SEMA3A: variants seen among roughly 807,000 people sequenced by gnomAD.
SEMA3A encodes semaphorin-3A.
A neutral mutation model predicts 97.9 loss-of-function variants in SEMA3A; 29 were observed. That is an observed-to-expected ratio of 0.30 (90% CI 0.22 to 0.40). The LOEUF is 0.40. SEMA3A is among the 10% of genes least tolerant of loss of function. The probability of loss-of-function intolerance (pLI) is 1.00; values close to 1 mark genes in which losing one functional copy is unlikely to be tolerated. For missense variants in SEMA3A, 763 were observed against 951.3 expected (o/e 0.80, Z 2.60); for synonymous variants, 321 against 323.7 (o/e 0.99, Z 0.09).
intron 4 of SEMA3A, among the ~76,000 whole-genome samples, chr7:84,071,728 T>C (rs1793747591): frequency 6.6e-6 from 1 of 152,166 alleles, no homozygotes; most frequent in Admixed American, 6.6e-5. Flanking sequence ...AAACTTGATA[T>C]TCGGTGATGC....
At chr7:84,183,799 A>G (rs1167046034) in intron 1 of SEMA3A, among the ~76,000 whole-genome samples, 1 of 152,158 alleles carries the variant, frequency 6.6e-6, no homozygotes, top group African/African-American at 2.4e-5. Context: ...TTCTATAAAG[A>G]ACACTAAATG....
intron 1 of SEMA3A, among the ~76,000 whole-genome samples, chr7:84,380,809 A>T (rs889395920): frequency 6.6e-6 from 1 of 152,162 alleles, no homozygotes; most frequent in African/African-American, 2.4e-5. Context: ...CATGCACAAA[A>T]ACCCTTAACT....
intron 1 of SEMA3A, among the ~76,000 whole-genome samples, chr7:84,392,145 A>G (rs545103488): frequency 9.9e-5 from 15 of 152,132 alleles, no homozygotes; most frequent in Non-Finnish European, 1.8e-4. Flanking sequence ...GAAATGTACA[A>G]TATTAAGTTA....
chr7:84,019,469 G>T (rs1791238627), intron 6 of SEMA3A, among the ~76,000 whole-genome samples: 1 of 151,986 alleles, frequency 6.6e-6, no homozygotes, highest in Admixed American at 6.6e-5. Flanking sequence ...GGGAGTTGCA[G>T]AAAGGAAGGA....
At chr7:84,284,810 A>T (rs1800538777) in intron 3 of SEMA3A, among the ~76,000 whole-genome samples, 1 of 151,996 alleles carries the variant, frequency 6.6e-6, no homozygotes, top group Non-Finnish European at 1.5e-5. Flanking sequence ...TGATTGATGG[A>T]CCTATTATAT....
chr7:83,971,594 A>G (rs1173218983), intron 15 of SEMA3A, among the ~76,000 whole-genome samples: 2 of 152,090 alleles, frequency 1.3e-5, no homozygotes, highest in Non-Finnish European at 2.9e-5. Flanking sequence ...ATTTTCACCA[A>G]TTAGATTCTA....
intron 5 of SEMA3A, among the ~76,000 whole-genome samples, chr7:84,057,454 T>C (rs1204860864): frequency 6.6e-6 from 1 of 151,888 alleles, no homozygotes; most frequent in Admixed American, 6.6e-5. Context: ...AATTTGCAGG[T>C]GGATGAAATA....
At chr7:84,014,058 T>C (rs549923601) in intron 7 of SEMA3A, 151 bp downstream of exon 7, 230 of 630,242 alleles carry the variant, frequency 3.6e-4, no homozygotes, top group Admixed American at 3.2e-3. Flanking sequence ...TAACCAACTA[T>C]AATATTCAAT....
chr7:84,409,490 T>C (rs919333291), intron 1 of SEMA3A, among the ~76,000 whole-genome samples: 1 of 152,106 alleles, frequency 6.6e-6, no homozygotes, highest in Non-Finnish European at 1.5e-5. Context: ...ATTTTACAAC[T>C]GCCCTAATGT....
intron 6 of SEMA3A, among the ~76,000 whole-genome samples, chr7:84,035,101 A>T (rs1351407284): frequency 6.6e-6 from 1 of 152,088 alleles, no homozygotes; most frequent in African/African-American, 2.4e-5. Context: ...AATTAGAATA[A>T]AATTATTAGA....
Position 84,293,401 on chromosome 7 carries a change from A to AT in SEMA3A, c.-83+13805dup, listed in dbSNP as rs199704632. 2.9e-3 allele frequency among the ~76,000 whole-genome samples: 446 copies of AT among 151,520 alleles called. 1 individual carries two copies. The highest frequency in any genetic ancestry group is 4.4e-3 in the Admixed American group (66 of 15,140). ...GTTTCTTTCTGAACATGAATCAATAATTTTTTTTTGTATTTGGCATGTAGA... is the reference window on the plus strand; with the variant it reads ...GTTTCTTTCTGAACATGAATCAATAATTTTTTTTTTGTATTTGGCATGTAGA... On this transcript the variant is annotated intron_variant, in intron 3 of 3. Coordinates refer to the SEMA3A transcript ENST00000424555.
chr7:84,212,015 C>A (rs1004391481), intron 3 of SEMA3A, among the ~76,000 whole-genome samples: 2 of 152,146 alleles, frequency 1.3e-5, no homozygotes, highest in South Asian at 2.1e-4. Flanking sequence ...GAAACTGTTA[C>A]AACAGTCAGC....
At chr7:84,197,496 G>C (rs1798259028), upstream of SEMA3A, among the ~76,000 whole-genome samples, 2 of 152,014 alleles carry the variant, frequency 1.3e-5, no homozygotes, top group African/African-American at 2.4e-5. Context: ...AAAAGCATTT[G>C]GAATATTATA....
chr7:84,441,520 A>T (rs1444262936), intron 1 of SEMA3A, among the ~76,000 whole-genome samples: 1 of 152,062 alleles, frequency 6.6e-6, no homozygotes, highest in Non-Finnish European at 1.5e-5. Context: ...ACAGAAAAAA[A>T]AATTAAAAAC....
At chr7:84,466,082 A>G (rs1054552028) in intron 1 of SEMA3A, among the ~76,000 whole-genome samples, 3 of 152,210 alleles carry the variant, frequency 2.0e-5, no homozygotes, top group Non-Finnish European at 4.4e-5. Context: ...AGTATTTGCA[A>G]CAAGTTAGTC....
chr7:84,475,948 T>C (rs893208211), intron 1 of SEMA3A, among the ~76,000 whole-genome samples: 1 of 152,200 alleles, frequency 6.6e-6, no homozygotes, highest in Admixed American at 6.5e-5. Context: ...TAGTAAAACA[T>C]ACAAATAAAG....
intron 3 of SEMA3A, among the ~76,000 whole-genome samples, chr7:84,203,862 T>C (rs1798420700): frequency 6.6e-6 from 1 of 152,098 alleles, no homozygotes; most frequent in South Asian, 2.1e-4. Flanking sequence ...TAGTTGTTCA[T>C]GCTTTTATGT....
intron 3 of SEMA3A, among the ~76,000 whole-genome samples, chr7:84,201,625 G>T (rs1374035126): frequency 6.6e-6 from 1 of 151,912 alleles, no homozygotes; most frequent in Admixed American, 6.6e-5. Context: ...AGTTAACAAT[G>T]TTTTTATTAT....
chr7:84,323,698 T>C (rs1330583776), intron 2 of SEMA3A, among the ~76,000 whole-genome samples: 5 of 152,230 alleles, frequency 3.3e-5, no homozygotes, highest in African/African-American at 1.2e-4. Flanking sequence ...TCTGATTATA[T>C]TCTGTCATAA....
Sources: gnomAD v4.1 joint callset for allele counts (sites outside exome capture counted in the v4.1 genomes callset) on GRCh38, gnomAD v4.1.1 for gene constraint, MANE v1.5 for transcripts, NCBI Gene and HGNC (gene_info 2026-07-23, HGNC 2026-07-21) for gene names.